Variants in KMT2C observed in about 807,000 individuals in gnomAD.
The protein encoded by KMT2C is histone-lysine N-methyltransferase 2C.
KMT2C carries 88 observed loss-of-function variants against 507.9 expected under a neutral mutation model. That is an observed-to-expected ratio of 0.17 (90% CI 0.15 to 0.21). KMT2C has a LOEUF of 0.21. Among genes scored for constraint, KMT2C ranks in the 10% least tolerant of loss-of-function variants. The probability of loss-of-function intolerance (pLI) is 1.00; values close to 1 mark genes in which losing one functional copy is unlikely to be tolerated. For synonymous variants in KMT2C, 2,049 were observed against 2,080.8 expected (o/e 0.98, Z 0.42); for missense variants, 4,954 against 5,957.8 (o/e 0.83, Z 5.55).
At chr7:152,373,587 A>G (rs1564027557) in intron 1 of KMT2C, among the ~76,000 whole-genome samples, 2 of 152,218 alleles carry the variant, frequency 1.3e-5, no homozygotes, top group Admixed American at 1.3e-4. Flanking sequence ...TTAATACCAT[A>G]AAGGAACAGG....
chr7:152,198,220 C>T (rs1003356628), intron 27 of KMT2C, among the ~76,000 whole-genome samples: 3 of 152,174 alleles, frequency 2.0e-5, no homozygotes, highest in Non-Finnish European at 2.9e-5. Context: ...AAACAAGAAG[C>T]ATGACCTCAC....
At position 152,180,728 on chromosome 7, in the gene KMT2C, T is replaced by A. The variant is rs756669007; in HGVS notation, c.7132A>T (p.Thr2378Ser). The part of the protein sequence containing the change: ...QNTVNMAQAD[T>S]EKLRQRQKLR... The stretch of plus-strand genomic sequence containing the variant: ...GTGTTTACCTGTCTCAATTTCTCTG[T>A]ATCTGCTTGGGCCATATTTACAGTA... The change falls in exon 36 of 59, where the codon ACA becomes TCA. Residue 2378 changes from threonine (T) to serine (S), a missense_variant. Physicochemically the swap from Thr to Ser is moderately conservative, Grantham distance 58. Transcript: ENST00000262189. 1 of 1,612,426 alleles carries A rather than the reference T, an allele frequency of 6.2e-7. No individual in the cohort carries two copies. The highest frequency in any genetic ancestry group is 8.5e-7 in the Non-Finnish European group (1 of 1,179,100).
chr7:152,435,381 A>G (rs1238039399), intron 1 of KMT2C, among the ~76,000 whole-genome samples: 3 of 151,276 alleles, frequency 2.0e-5, no homozygotes, highest in Non-Finnish European at 2.9e-5. Flanking sequence ...ACTGAAAAGT[A>G]AAGTGTGCGG....
At position 152,245,052 on chromosome 7, in the gene KMT2C, T is replaced by A. The variant is rs549157389; in HGVS notation, c.2532+2850A>T. On this transcript the variant is annotated intron_variant, in intron 14 of 58. Transcript: ENST00000262189. The stretch of plus-strand genomic sequence containing the variant: ...CATCTCACCTTCAGAAAATCTCCAA[T>A]ATTGGGTTATTTGGATTATATATTT... Among the ~76,000 whole-genome samples the A allele has an allele frequency of 4.6e-5, 7 of 152,304 alleles. No individual in the cohort carries two copies. The East Asian group carries it at 1.3e-3, about 29-fold the overall frequency.
chr7:152,180,470 A>T (rs2093395959), intron 36 of KMT2C, among the ~76,000 whole-genome samples: 1 of 152,242 alleles, frequency 6.6e-6, no homozygotes, highest in Non-Finnish European at 1.5e-5. Context: ...GACAACTATC[A>T]CAAAACAAAG....
Position 152,177,612 on chromosome 7 carries a change from C to A in KMT2C, c.7841G>T (p.Gly2614Val), listed in dbSNP as rs767634921. The A allele has an allele frequency of 3.7e-6, 6 of 1,613,942 alleles. No individual in the cohort carries two copies. The Admixed American group carries it at 1.0e-4, about 27-fold the overall frequency. Residue 2614 changes from glycine to valine, a missense_variant, in exon 38 of 59, where the codon GGT (glycine) becomes GTT (valine). Gly to Val is a moderately radical substitution (Grantham distance 109). This residue lies in a region of KMT2C where 1,689 missense variants were observed against 1,654.3 expected (regional missense o/e 1.02). Coordinates refer to ENST00000262189, the MANE Select transcript of KMT2C (RefSeq NM_170606.3). ...HTDPMRRPPQ[G>V]LPNQLPVHPD... ...GTGCACAGGTAGCTGATTAGGTAGACCCTGGGGAGGTCGTCGCATGGGGTC... is the reference window on the plus strand; with the variant it reads ...GTGCACAGGTAGCTGATTAGGTAGAACCTGGGGAGGTCGTCGCATGGGGTC...
chr7:152,138,994 A>C lies in KMT2C; in HGVS notation c.14535-90T>G. ...ATTTATTGATAAAGCAGTTTTTGCT[A>C]ATTAAATTTCTATTTGCCCATTGTT... On this transcript the variant is annotated intron_variant, in intron 57 of 58. Transcript: ENST00000262189. The surrounding 1 kb of genome is among the most constrained non-coding windows in gnomAD (Gnocchi z 4.2). 1 of 1,114,664 alleles carries C rather than the reference A, an allele frequency of 9.0e-7. No individual in the cohort carries two copies. The highest frequency in any genetic ancestry group is 1.4e-6 in the Non-Finnish European group (1 of 735,774). The allele number at this position is 1,114,664 out of a possible 1,614,324, so 69.0% of individuals were successfully genotyped here.
Position 152,199,346 on chromosome 7 carries a change from A to G in KMT2C, c.4206T>C (p.Gly1402=), listed in dbSNP as rs1230851520. The G allele has an allele frequency of 6.2e-7, 1 of 1,604,950 alleles. No homozygotes were observed. The highest frequency in any genetic ancestry group is 2.3e-5 in the East Asian group (1 of 44,342). Residue 1402 remains glycine (G), a synonymous_variant, in exon 27 of 59, where the codon GGT becomes GGC. Transcript: ENST00000262189. The stretch of plus-strand genomic sequence containing the variant: ...GTGGATCTAAGGAAGGATCCAAGAA[A>G]CCTGTGTTCATGTTTGTTTTATATA... ...QLLYKTNMNT[G]FLDPSLDPLL... is the part of the protein sequence containing the mutation.
intron 1 of KMT2C, among the ~76,000 whole-genome samples, chr7:152,388,166 T>C (rs928855616): frequency 3.3e-5 from 5 of 152,180 alleles, no homozygotes; most frequent in Admixed American, 3.3e-4. Context: ...TATATAAATA[T>C]ATATAATTTC....
chr7:152,390,068 T>C (rs1457055961), intron 1 of KMT2C, among the ~76,000 whole-genome samples: 1 of 152,148 alleles, frequency 6.6e-6, no homozygotes, highest in African/African-American at 2.4e-5. Flanking sequence ...AAAGAGAAGG[T>C]AGAAGAGGAG....
At position 152,250,917 on chromosome 7, in the gene KMT2C, G is replaced by A; in HGVS notation, c.1671C>T (p.Phe557=). Reference sequence around the variant, plus strand: ...CATCTTTATTAGCTGCCTGCTCTGAGAATACCATTTGATCTTCAGGGCCTT... The same window carrying A: ...CATCTTTATTAGCTGCCTGCTCTGAAAATACCATTTGATCTTCAGGGCCTT... The part of the protein sequence containing the change: ...EVEGPEDQMV[F]SEQAANKDVN... Residue 557 remains phenylalanine, a synonymous_variant, in exon 12 of 59, where the codon TTC becomes TTT. Transcript: ENST00000262189. 1.9e-6 allele frequency: 3 copies of A among 1,611,088 alleles called. No individual in the cohort carries two copies. Among genetic ancestry groups the A allele is most frequent in the Non-Finnish European group, 2.5e-6 (3 of 1,177,386 alleles).
In KMT2C at chr7:152,182,328, A is replaced by G. The variant is rs151322246; in HGVS notation, c.5532T>C (p.Asp1844=). ...GAGCTTGTGGCTTTACAAACACATC[A>G]TCTGAAGATGTAGACGTAGGGGTAC... ...PPSTPTSTSS[D]DVFVKPQAPP... is the part of the protein sequence containing the mutation. Residue 1844 remains aspartate, a synonymous_variant, in exon 36 of 59, where the codon GAT becomes GAC. Transcript: ENST00000262189. 1.9e-4 allele frequency: 301 copies of G among 1,614,120 alleles called. 1 individual carries two copies. In the African/African-American group the frequency reaches 3.5e-3, roughly 19 times the overall value.
intron 6 of KMT2C, among the ~76,000 whole-genome samples, chr7:152,307,211 AAGGAAGG>A (rs757232899): frequency 6.4e-4 from 77 of 120,778 alleles, no homozygotes; most frequent in Admixed American, 1.6e-3. Flanking sequence ...GGAAGGAAGG[AAGGAAGG>A]AAGGAAGGAA....
rs954616793 is a variant in KMT2C, at chr7:152,176,417, T to A, written c.9036A>T (p.Gln3012His). The A allele has an allele frequency of 4.3e-6, 7 of 1,614,218 alleles. No homozygotes were observed. The East Asian group carries it at 1.6e-4, about 36-fold the overall frequency. ...HSLGTGKPAT[Q>H]TGPQTSQSGT... Reference sequence around the variant, plus strand: ...CAGACTGACTTGTTTGAGGCCCAGTTTGAGTTGCAGGTTTTCCTGTCCCCA... The same window carrying A: ...CAGACTGACTTGTTTGAGGCCCAGTATGAGTTGCAGGTTTTCCTGTCCCCA... Residue 3012 changes from glutamine (Q) to histidine (H), a missense_variant, in exon 38 of 59, where the codon CAA becomes CAT. This residue lies in a region of KMT2C where 1,689 missense variants were observed against 1,654.3 expected (regional missense o/e 1.02). Transcript: ENST00000262189.
intron 7 of KMT2C, among the ~76,000 whole-genome samples, chr7:152,271,563 C>T (rs531063791): frequency 6.7e-6 from 1 of 150,084 alleles, no homozygotes; most frequent in South Asian, 2.1e-4. Flanking sequence ...ATCCCAGCTA[C>T]TTGGGAGGCT....
chr7:152,163,544 G>A lies in KMT2C; in HGVS notation c.10033C>T (p.Pro3345Ser), dbSNP rs1430850943. The A allele has an allele frequency of 2.5e-6, 4 of 1,610,196 alleles. No homozygotes were observed. Among genetic ancestry groups the A allele is most frequent in the African/African-American group, 2.7e-5 (2 of 74,762 alleles). ...GGCTGAATTCTAGGAGGATTGAGGG[G>A]CAGGTGGGCAGGAGCACTGTTGGGT... ...WQPNSAPAHL[P>S]LNPPRIQPPI... The change falls in exon 43 of 59, where the codon CCC (proline) becomes TCC (serine). Residue 3345 changes from proline (P) to serine (S), a missense_variant. Around this residue, in one of 29 missense-constraint regions of KMT2C, gnomAD observed 801 missense variants for 751.2 expected, o/e 1.07. Transcript: ENST00000262189.
Position 152,156,228 on chromosome 7 carries a change from G to T in KMT2C, c.11789C>A (p.Ala3930Asp), listed in dbSNP as rs530748176. ...ACCTTCATGGCTCACTAACACTCCG[G>T]CTTTTCCAGCAAGTTCTTCAGTTGT... ...FATTEELAGK[A>D]GVLVSHEVTK... The change falls in exon 45 of 59, where the codon GCC becomes GAC. Residue 3930 changes from alanine (A) to aspartate (D), a missense_variant. Transcript: ENST00000262189. 4 of 1,614,106 alleles carry T rather than the reference G, an allele frequency of 2.5e-6. No individual in the cohort carries two copies. In the South Asian group the frequency reaches 3.3e-5, roughly 13 times the overall value.
At chr7:152,364,510 G>A (rs1290268283) in intron 1 of KMT2C, among the ~76,000 whole-genome samples, 2 of 151,746 alleles carry the variant, frequency 1.3e-5, no homozygotes, top group African/African-American at 4.9e-5. Context: ...TTGGGAGGCT[G>A]AGGCAGGAGA....
intron 1 of KMT2C, among the ~76,000 whole-genome samples, chr7:152,381,359 G>C (rs1029289818): frequency 1.3e-5 from 2 of 151,752 alleles, no homozygotes; most frequent in African/African-American, 4.8e-5. Flanking sequence ...GGGGCAGGGA[G>C]GGGGGGAGGG....
Sources: gnomAD v4.1 joint callset for allele counts (sites outside exome capture counted in the v4.1 genomes callset) on GRCh38, gnomAD v4.1.1 for gene constraint, gnomAD v4.1.1 regional missense constraint, Gnocchi (gnomAD v3.1) non-coding constraint, MANE v1.5 for transcripts, NCBI Gene and HGNC (gene_info 2026-07-23, HGNC 2026-07-21) for gene names.